Variants in CNTNAP4 observed in about 807,000 individuals in gnomAD.
CNTNAP4 encodes the protein contactin-associated protein-like 4.
Under a neutral mutation model 148.4 loss-of-function variants are expected in CNTNAP4, and 98 were observed. That is an observed-to-expected ratio of 0.66 (90% confidence interval 0.56 to 0.78). The LOEUF (loss-of-function observed/expected upper bound fraction) is 0.78. Among genes scored for constraint, CNTNAP4 ranks in the 30% least tolerant of loss-of-function variants. The pLI, the probability that CNTNAP4 is intolerant of heterozygous loss-of-function variation, is 0.00. For missense variants in CNTNAP4, 1,935 were observed against 1,565.6 expected (o/e 1.24, Z -3.98); for synonymous variants, 730 against 565.1 (o/e 1.29, Z -4.14).
intron 3 of CNTNAP4, among the ~76,000 whole-genome samples, chr16:76,360,605 G>A (rs942184699): frequency 2.0e-5 from 3 of 152,194 alleles, no homozygotes; most frequent in African/African-American, 4.8e-5. Context: ...TTAATGCACT[G>A]CAGTACTTGC....
chr16:76,419,079 C>G (rs1235498535), intron 3 of CNTNAP4, among the ~76,000 whole-genome samples: 5 of 151,950 alleles, frequency 3.3e-5, no homozygotes, highest in African/African-American at 4.8e-5. Context: ...TATTCCAACT[C>G]AATTTAAGTG....
At chr16:76,425,987 G>A (rs961503052) in intron 3 of CNTNAP4, among the ~76,000 whole-genome samples, 11 of 152,130 alleles carry the variant, frequency 7.2e-5, no homozygotes, top group African/African-American at 2.4e-4. Flanking sequence ...GAGGCTGTCA[G>A]GGAAGTTCTG....
In CNTNAP4 at chr16:76,509,359, A is replaced by G. The variant is rs2082934555; in HGVS notation, c.2365+10665A>G. Among the ~76,000 whole-genome samples the G allele has an allele frequency of 2.1e-5, 2 of 96,920 alleles. 1 individual carries two copies. Among genetic ancestry groups the G allele is most frequent in the South Asian group, 8.3e-4 (2 of 2,420 alleles). 63.6% of individuals were successfully genotyped at this position (96,920 alleles called of 152,430 possible). ...CCAAAAATGTCTCCAAACATTGCCAAATGTCCCCTGGGTAAAGAATTGCCC... is the reference window on the plus strand; with the variant it reads ...CCAAAAATGTCTCCAAACATTGCCAGATGTCCCCTGGGTAAAGAATTGCCC... On this transcript the variant is annotated intron_variant, in intron 15 of 23. Coordinates refer to ENST00000611870, the MANE Select transcript of CNTNAP4 (RefSeq NM_033401.5).
At chr16:76,408,118 C>T in intron 3 of CNTNAP4, among the ~76,000 whole-genome samples, 1 of 151,766 alleles carries the variant, frequency 6.6e-6, no homozygotes, top group Non-Finnish European at 1.5e-5. Flanking sequence ...AGGCATATAG[C>T]TATTATACAC....
chr16:76,542,081 A>G (rs1275651680), intron 21 of CNTNAP4, among the ~76,000 whole-genome samples: 1 of 152,226 alleles, frequency 6.6e-6, no homozygotes, highest in Admixed American at 6.5e-5. Flanking sequence ...TAATTAACAG[A>G]TAAGACCGTG....
At chr16:76,455,863 A>G (rs2080709874) in intron 8 of CNTNAP4, among the ~76,000 whole-genome samples, 1 of 152,194 alleles carries the variant, frequency 6.6e-6, no homozygotes, top group Non-Finnish European at 1.5e-5. Context: ...GAGGGTGATG[A>G]CAACTAAGCT....
In CNTNAP4 at chr16:76,495,136, T is replaced by C. The variant is rs1451085798; in HGVS notation, c.2237+70T>C. The C allele has an allele frequency of 2.6e-6, 4 of 1,518,902 alleles. No individual in the cohort carries two copies. The East Asian group carries it at 6.8e-5, about 26-fold the overall frequency. The allele number at this position is 1,518,902 out of a possible 1,614,324, so 94.1% of individuals were successfully genotyped here. ...AAAAATTAATCACTCAAAGTATGTA[T>C]AGCTAGCCAGATACTGAACAAGTTA... On this transcript the variant is annotated intron_variant, in intron 14 of 23. Coordinates refer to ENST00000611870, the MANE Select transcript of CNTNAP4 (RefSeq NM_033401.5).
intron 3 of CNTNAP4, among the ~76,000 whole-genome samples, chr16:76,425,197 C>T (rs911196484): frequency 6.6e-6 from 1 of 152,138 alleles, no homozygotes; most frequent in Admixed American, 6.5e-5. Context: ...AAAACAACAG[C>T]AGCAACAATA....
chr16:76,414,604 A>C (rs780436906), intron 3 of CNTNAP4, among the ~76,000 whole-genome samples: 1 of 151,100 alleles, frequency 6.6e-6, no homozygotes, highest in Non-Finnish European at 1.5e-5. Flanking sequence ...TACTGGTGTG[A>C]TTTTGTCCTT....
chr16:76,370,647 A>G (rs1372670607), intron 3 of CNTNAP4, among the ~76,000 whole-genome samples: 1 of 152,208 alleles, frequency 6.6e-6, no homozygotes, highest in Non-Finnish European at 1.5e-5. Flanking sequence ...CGTGGTTCTA[A>G]GTGAAACAGA....
intron 17 of CNTNAP4, among the ~76,000 whole-genome samples, chr16:76,524,785 G>T (rs1326866585): frequency 2.6e-5 from 4 of 152,032 alleles, no homozygotes; most frequent in Admixed American, 6.6e-5. Flanking sequence ...AAAAATAACT[G>T]TTGATTATAT....
intron 2 of CNTNAP4, among the ~76,000 whole-genome samples, chr16:76,350,752 A>G (rs1965300874): frequency 6.6e-6 from 1 of 152,240 alleles, no homozygotes; most frequent in Non-Finnish European, 1.5e-5. Context: ...TTTAAAATTT[A>G]ATTCTCATAA....
At chr16:76,544,987 G>T (rs531151645) in intron 21 of CNTNAP4, among the ~76,000 whole-genome samples, 7 of 152,300 alleles carry the variant, frequency 4.6e-5, no homozygotes, top group Non-Finnish European at 7.4e-5. Flanking sequence ...ACTTGCTTCA[G>T]TGCTCAGAGG....
intron 9 of CNTNAP4, among the ~76,000 whole-genome samples, chr16:76,462,402 A>T (rs1181302002): frequency 6.6e-6 from 1 of 152,078 alleles, no homozygotes; most frequent in Admixed American, 6.5e-5. Flanking sequence ...AATGATCCTT[A>T]TATGTCTTCT....
intron 10 of CNTNAP4, among the ~76,000 whole-genome samples, chr16:76,470,015 T>A (rs1374995950): frequency 6.6e-6 from 1 of 152,142 alleles, no homozygotes; most frequent in African/African-American, 2.4e-5. Flanking sequence ...AAAATCTGTG[T>A]ACCAGGCCTT....
chr16:76,451,068 C>T lies in CNTNAP4; in HGVS notation c.1071+1210C>T, dbSNP rs539836397. On this transcript the variant is annotated intron_variant, in intron 7 of 23. Coordinates refer to ENST00000611870, the MANE Select transcript of CNTNAP4 (RefSeq NM_033401.5). Reference sequence around the variant, plus strand: ...TGTGTGTCCCCAGCCATGCATCCAGCGATGGGCCTGGGCTTGCTGTCGGTC... The same window carrying T: ...TGTGTGTCCCCAGCCATGCATCCAGTGATGGGCCTGGGCTTGCTGTCGGTC... Among the ~76,000 whole-genome samples the T allele has an allele frequency of 5.9e-5, 9 of 152,138 alleles. No individual in the cohort carries two copies. The South Asian group carries it at 1.7e-3, about 28-fold the overall frequency.
chr16:76,545,161 TA>T (rs35527682), intron 21 of CNTNAP4, among the ~76,000 whole-genome samples: 79 of 152,318 alleles, frequency 5.2e-4, no homozygotes, highest in Middle Eastern at 3.4e-3. Flanking sequence ...TACAATCTTT[TA>T]AAAAAATGTA....
chr16:76,498,974 G>A (rs1486817381), intron 15 of CNTNAP4, among the ~76,000 whole-genome samples: 1 of 151,956 alleles, frequency 6.6e-6, no homozygotes, highest in Non-Finnish European at 1.5e-5. Context: ...TTTAGTGATG[G>A]TTACACAACA....
chr16:76,317,324 T>C (rs1961901064), intron 2 of CNTNAP4, among the ~76,000 whole-genome samples: 1 of 147,408 alleles, frequency 6.8e-6, no homozygotes, highest in Non-Finnish European at 1.5e-5. Context: ...AAAACTCAGT[T>C]CATCTTAGTT....
Sources: allele counts gnomAD v4.1 joint callset (sites outside exome capture counted in the v4.1 genomes callset), GRCh38; gene constraint gnomAD v4.1.1; transcripts MANE v1.5; gene names NCBI Gene and HGNC (gene_info 2026-07-23, HGNC 2026-07-21).